The following NCOA6 variants were observed in gnomAD, a reference collection of about 807,000 sequenced individuals.
NCOA6 encodes the protein nuclear receptor coactivator 6, also known as NRC RAP250.
In NCOA6, 49 loss-of-function variants were observed where a neutral mutation model predicts 171.4. That is an observed-to-expected ratio of 0.29 (90% CI 0.23 to 0.36). The LOEUF is 0.36. Among genes scored for constraint, NCOA6 ranks in the 10% least tolerant of loss-of-function variants. NCOA6 has a pLI of 1.00. For missense variants in NCOA6, 2,248 were observed against 2,554.5 expected (o/e 0.88, Z 2.59); for synonymous variants, 910 against 927.5 (o/e 0.98, Z 0.34).
At chr20:34,822,523 C>G (rs770271985) in intron 1 of NCOA6, among the ~76,000 whole-genome samples, 2 of 152,228 alleles carry the variant, frequency 1.3e-5, no homozygotes, top group African/African-American at 2.4e-5. Flanking sequence ...ACACACCCAT[C>G]TCCGTGTCCT....
At chr20:34,801,809 G>A (rs1490855954) in intron 1 of NCOA6, among the ~76,000 whole-genome samples, 2 of 152,120 alleles carry the variant, frequency 1.3e-5, no homozygotes, top group African/African-American at 4.8e-5. Context: ...AGGTTGCAAT[G>A]AGCCGAGATT....
At chr20:34,780,470 G>A (rs1435194426) in intron 3 of NCOA6, among the ~76,000 whole-genome samples, 1 of 151,602 alleles carries the variant, frequency 6.6e-6, no homozygotes, top group Non-Finnish European at 1.5e-5. Flanking sequence ...CAATGCCTCA[G>A]CCACCCGAGT....
At chr20:34,753,948 T>C (rs913982828) in intron 8 of NCOA6, among the ~76,000 whole-genome samples, 10 of 152,212 alleles carry the variant, frequency 6.6e-5, no homozygotes, top group African/African-American at 2.4e-4. Flanking sequence ...GTAAGAGGAT[T>C]AGTCATGTGG....
At chr20:34,816,809 A>T (rs1421240515) in intron 1 of NCOA6, among the ~76,000 whole-genome samples, 3 of 147,288 alleles carry the variant, frequency 2.0e-5, no homozygotes, top group Non-Finnish European at 4.5e-5. Context: ...CTCCAAAAAC[A>T]AACAAACAAA....
intron 5 of NCOA6, among the ~76,000 whole-genome samples, chr20:34,759,395 T>G (rs765291485): frequency 4.1e-5 from 6 of 146,642 alleles, no homozygotes; most frequent in African/African-American, 1.5e-4. Context: ...TTTGCTCTTA[T>G]GTCCTTCAGA....
intron 5 of NCOA6, among the ~76,000 whole-genome samples, chr20:34,765,528 T>C (rs989664468): frequency 8.6e-5 from 13 of 152,036 alleles, no homozygotes; most frequent in African/African-American, 2.4e-4. Flanking sequence ...TGACTACATG[T>C]TCAATAGTGA....
At position 34,715,277 on chromosome 20, in the gene NCOA6, A is replaced by C; in HGVS notation, c.*45T>G. 1 of 1,613,152 alleles carries C rather than the reference A, an allele frequency of 6.2e-7. No individual in the cohort carries two copies. Among genetic ancestry groups the C allele is most frequent in the Non-Finnish European group, 8.5e-7 (1 of 1,179,376 alleles). ...GTCACAGCTCAAAATTGCTCTTTGT[A>C]AAAGTCACACACATTTCCAAGTATC... On this transcript the variant is annotated 3_prime_UTR_variant, in exon 15 of 15. Coordinates refer to ENST00000359003, the MANE Select transcript of NCOA6 (RefSeq NM_014071.5).
intron 2 of NCOA6, among the ~76,000 whole-genome samples, chr20:34,783,475 G>C (rs1020950840): frequency 6.6e-6 from 1 of 152,020 alleles, no homozygotes; most frequent in Admixed American, 6.6e-5. Context: ...GTTAGTTTGG[G>C]GATTGAAGAT....
chr20:34,805,757 C>T (rs1475604615), intron 1 of NCOA6, among the ~76,000 whole-genome samples: 4 of 151,126 alleles, frequency 2.6e-5, no homozygotes, highest in East Asian at 1.9e-4. Context: ...GGTATGATCT[C>T]GGCTCACTGC....
rs1241484629 is a variant in NCOA6 at position 34,757,993 on chromosome 20, A to C, written c.755T>G (p.Met252Arg). 1 of 1,613,656 alleles carries C rather than the reference A, an allele frequency of 6.2e-7. No individual in the cohort carries two copies. Among genetic ancestry groups the C allele is most frequent in the Non-Finnish European group, 8.5e-7 (1 of 1,179,954 alleles). Residue 252 changes from methionine (M) to arginine (R), a missense_variant, in exon 7 of 15, where the codon ATG becomes AGG. Coordinates refer to ENST00000359003, the MANE Select transcript of NCOA6 (RefSeq NM_014071.5). ...PMQPVSVNRQ[M>R]NPANFPQLQQ... ...CAGCTGGGGAAAATTAGCTGGGTTC[A>C]TTTGTCTGTTCACAGAGACAGGCTG... is the stretch of plus-strand genomic sequence containing the variant.
At chr20:34,804,330 T>C (rs1043651991) in intron 1 of NCOA6, among the ~76,000 whole-genome samples, 3 of 151,354 alleles carry the variant, frequency 2.0e-5, no homozygotes, top group African/African-American at 7.3e-5. Context: ...GAGGGAGACC[T>C]TGTCATAAAT....
intron 4 of NCOA6, among the ~76,000 whole-genome samples, chr20:34,769,706 C>CA (rs1240203323): frequency 6.6e-6 from 1 of 152,088 alleles, no homozygotes; most frequent in African/African-American, 2.4e-5. Context: ...CTTCACAGTA[C>CA]CCTCATAGGT....
rs2077530286 is a variant in NCOA6 at position 34,782,125 on chromosome 20, G to A, written c.231C>T (p.His77=). 2 of 1,573,010 alleles carry A rather than the reference G, an allele frequency of 1.3e-6. No homozygotes were observed. The highest frequency in any genetic ancestry group is 1.7e-6 in the Non-Finnish European group (2 of 1,150,586). ...AAAATAATTAAAGCAAATTACCCATGTGTAACAAATTGGGCACGTTTTTCA... is the reference window on the plus strand; with the variant it reads ...AAAATAATTAAAGCAAATTACCCATATGTAACAAATTGGGCACGTTTTTCA... ...AILKNVPNLL[H]MESSKLKVQK... is the part of the protein sequence containing the mutation. Residue 77 remains histidine, a synonymous_variant, in exon 3 of 15, where the codon CAC becomes CAT. Coordinates refer to ENST00000359003, the MANE Select transcript of NCOA6 (RefSeq NM_014071.5).
chr20:34,742,893 A>G lies in NCOA6; in HGVS notation c.3363T>C (p.Pro1121=). The change falls in exon 11 of 15, where the codon CCT becomes CCC. Residue 1121 remains proline (P), a synonymous_variant. Coordinates refer to ENST00000359003, the MANE Select transcript of NCOA6 (RefSeq NM_014071.5). ...KMVYQESPQN[P]SSSPLAEMAS... ...CCATCTCCGCCAGTGGCGAGCTGGA[A>G]GGATTCTGCGGGCTCTCCTGATAGA... The G allele has an allele frequency of 6.2e-7, 1 of 1,614,196 alleles. No homozygotes were observed. Among genetic ancestry groups the G allele is most frequent in the Non-Finnish European group, 8.5e-7 (1 of 1,180,026 alleles).
At chr20:34,765,890 CAA>C in intron 5 of NCOA6, among the ~76,000 whole-genome samples, 1 of 152,238 alleles carries the variant, frequency 6.6e-6, no homozygotes, top group South Asian at 2.1e-4. Flanking sequence ...GTTTTAGTTG[CAA>C]AAGACTCTTG....
intron 2 of NCOA6, 86 bp from the exon 3 acceptor site, chr20:34,782,490 T>C (rs1025146003): frequency 5.7e-6 from 2 of 349,164 alleles, no homozygotes; most frequent in Admixed American, 4.6e-5. Context: ...AAAATTATAA[T>C]TTATTTAATA....
intron 10 of NCOA6, among the ~76,000 whole-genome samples, chr20:34,745,903 A>G (rs1400121025): frequency 6.6e-6 from 1 of 152,230 alleles, no homozygotes; most frequent in African/African-American, 2.4e-5. Context: ...TTCAACATTT[A>G]AAGGATAGTA....
intron 13 of NCOA6, among the ~76,000 whole-genome samples, 168 bp downstream of exon 13, chr20:34,732,391 G>A (rs891937112): frequency 6.6e-6 from 1 of 152,166 alleles, no homozygotes; most frequent in African/African-American, 2.4e-5. Flanking sequence ...TGTTACCTCT[G>A]AGGGATTAGG....
intron 12 of NCOA6, 73 bp from the exon 13 acceptor site, chr20:34,732,668 T>A: frequency 7.6e-7 from 1 of 1,323,586 alleles, no homozygotes; most frequent in South Asian, 1.2e-5. Flanking sequence ...TCTACAAGAA[T>A]TCTCTATGCC....
Sources: allele counts gnomAD v4.1 joint callset (sites outside exome capture counted in the v4.1 genomes callset), GRCh38; gene constraint gnomAD v4.1.1; transcripts MANE v1.5; gene names NCBI Gene and HGNC (gene_info 2026-07-23, HGNC 2026-07-21).